Variants in TFB2M observed in about 807,000 individuals in gnomAD.
TFB2M encodes the protein transcription factor B2, mitochondrial, also known as dimethyladenosine transferase 2, mitochondrial.
A neutral mutation model predicts 41.3 loss-of-function variants in TFB2M; 44 were observed. The observed-to-expected ratio is 1.07, with a 90% confidence interval of 0.84 to 1.37. The LOEUF is 1.37. Among genes scored for constraint, TFB2M ranks in the 40% most tolerant of loss-of-function variants. TFB2M has a pLI of 0.00. For missense variants in TFB2M, 496 were observed against 490.2 expected (o/e 1.01, Z -0.11); for synonymous variants, 188 against 176.8 (o/e 1.06, Z -0.50).
rs150805296 is a variant in TFB2M at position 246,545,007 on chromosome 1, G to A, written c.859-326C>T. Among the ~76,000 whole-genome samples the A allele has an allele frequency of 6.0e-3, 914 of 151,550 alleles. 1 individual carries two copies. Among genetic ancestry groups the A allele is most frequent in the East Asian group, 0.02 (95 of 4,798 alleles). The stretch of plus-strand genomic sequence containing the variant: ...TTTTTAGTAGAGATGGGGTTTCACC[G>A]TGTTAGCCAGGATGGTCTCGATCTC... On this transcript the variant is annotated intron_variant, in intron 6 of 7. Coordinates refer to ENST00000366514, the MANE Select transcript of TFB2M (RefSeq NM_022366.3).
intron 4 of TFB2M, among the ~76,000 whole-genome samples, chr1:246,551,566 AG>A (rs2102986679): frequency 6.6e-6 from 1 of 152,272 alleles, no homozygotes; most frequent in South Asian, 2.1e-4. Context: ...GCACTCCGGC[AG>A]GGGCAACGGC....
intron 4 of TFB2M, among the ~76,000 whole-genome samples, chr1:246,551,895 G>C (rs560121704): frequency 6.6e-6 from 1 of 152,148 alleles, no homozygotes; most frequent in Non-Finnish European, 1.5e-5. Context: ...GTTGAATAGC[G>C]TATGCACAGC....
At chr1:246,547,591 A>G (rs563906683) in intron 6 of TFB2M, among the ~76,000 whole-genome samples, 17 of 152,250 alleles carry the variant, frequency 1.1e-4, no homozygotes, top group Admixed American at 4.6e-4. Flanking sequence ...AGAAAAAAAC[A>G]TAAGTAAGCA....
At chr1:246,544,961 A>G (rs530107437) in intron 6 of TFB2M, among the ~76,000 whole-genome samples, 3 of 151,834 alleles carry the variant, frequency 2.0e-5, no homozygotes, top group Non-Finnish European at 4.4e-5. Context: ...GCCCACCACC[A>G]CGCCTGGCTA....
chr1:246,558,835 C>G (rs1659386901), intron 2 of TFB2M, among the ~76,000 whole-genome samples: 1 of 152,112 alleles, frequency 6.6e-6, no homozygotes, highest in Admixed American at 6.5e-5. Flanking sequence ...TCTCACTGCT[C>G]TGATTTGCTC....
At chr1:246,552,632 G>A (rs1659215934) in intron 4 of TFB2M, among the ~76,000 whole-genome samples, 1 of 152,012 alleles carries the variant, frequency 6.6e-6, no homozygotes, top group Middle Eastern at 3.4e-3. Context: ...CCAGGAGTTT[G>A]AGGCTGCAGT....
intron 2 of TFB2M, among the ~76,000 whole-genome samples, chr1:246,559,734 G>C (rs1324633013): frequency 6.6e-6 from 1 of 152,190 alleles, no homozygotes; most frequent in African/African-American, 2.4e-5. Context: ...CCTGAATAAG[G>C]TGCTCAGTGG....
chr1:246,554,717 T>A lies in TFB2M; in HGVS notation c.705+1856A>T, dbSNP rs541910603. Among the ~76,000 whole-genome samples the A allele has an allele frequency of 3.3e-5, 5 of 152,258 alleles. No homozygotes were observed. The South Asian group carries it at 1.0e-3, about 32-fold the overall frequency. ...CAATAAATGTGATGCACTTGAATCATCCTGAAACCATCCCCGCCGCCATCC... is the reference window on the plus strand; with the variant it reads ...CAATAAATGTGATGCACTTGAATCAACCTGAAACCATCCCCGCCGCCATCC... On this transcript the variant is annotated intron_variant, in intron 4 of 7. Transcript: ENST00000366514.
intron 5 of TFB2M, 136 bp from the exon 6 acceptor site, chr1:246,548,743 ATAGC>A (rs1227997772): frequency 4.4e-6 from 3 of 675,636 alleles, no homozygotes; most frequent in Non-Finnish European, 7.2e-6. Context: ...GAAACATGTT[ATAGC>A]TAAATAATAC....
chr1:246,563,313 G>A lies in TFB2M; in HGVS notation c.402+1033C>T, dbSNP rs543034489. Among the ~76,000 whole-genome samples, 25 of 151,802 alleles carry A rather than the reference G, an allele frequency of 1.6e-4. No individual in the cohort carries two copies. The South Asian group carries it at 2.5e-3, about 15-fold the overall frequency. ...TGGCTTATCAGAAGCATATAAATTC[G>A]GAGTCAGGAGCTAGGCATGGTGGCT... is the stretch of plus-strand genomic sequence containing the variant. On this transcript the variant is annotated intron_variant, in intron 2 of 7. Coordinates refer to ENST00000366514, the MANE Select transcript of TFB2M (RefSeq NM_022366.3).
At chr1:246,553,202 C>T (rs1314870778) in intron 4 of TFB2M, among the ~76,000 whole-genome samples, 8 of 152,082 alleles carry the variant, frequency 5.3e-5, no homozygotes, top group Non-Finnish European at 4.4e-5. Flanking sequence ...GCCTGGGCGA[C>T]AGAGCAAGAC....
rs1488008322 is a variant in TFB2M, at chr1:246,556,568, C to T, written c.705+5G>A. 1 of 1,479,548 alleles carries T rather than the reference C, an allele frequency of 6.8e-7. No homozygotes were observed. The allele number at this position is 1,479,548 out of a possible 1,614,324, so 91.7% of individuals were successfully genotyped here. A position where few individuals can be genotyped will look rare whatever the true frequency, so the allele number is the denominator to read the frequency against. ...ACAAAAAATAGGTATTTGTTAATAA[C>T]ATACCTGGAATTCTTTTTCACCAAT... is the stretch of plus-strand genomic sequence containing the variant. On this transcript the variant is annotated splice_donor_5th_base_variant and intron_variant, in intron 4 of 7. Transcript: ENST00000366514.
intron 2 of TFB2M, among the ~76,000 whole-genome samples, chr1:246,558,635 G>A (rs1659382589): frequency 6.6e-6 from 1 of 152,124 alleles, no homozygotes; most frequent in Non-Finnish European, 1.5e-5. Context: ...TCACAGTAAA[G>A]AAAAACAATT....
At chr1:246,541,697 G>A (rs1013286176) in intron 7 of TFB2M, among the ~76,000 whole-genome samples, 3 of 152,038 alleles carry the variant, frequency 2.0e-5, no homozygotes, top group East Asian at 1.9e-4. Flanking sequence ...AATCACTGCC[G>A]TTTGAAAAAA....
chr1:246,545,194 G>A (rs1658980662), intron 6 of TFB2M, among the ~76,000 whole-genome samples: 1 of 152,196 alleles, frequency 6.6e-6, no homozygotes, highest in Non-Finnish European at 1.5e-5. Context: ...TGTTTGTGAT[G>A]AGTAACCTTG....
intron 4 of TFB2M, among the ~76,000 whole-genome samples, chr1:246,553,563 G>A (rs1659241751): frequency 6.6e-6 from 1 of 152,162 alleles, no homozygotes; most frequent in South Asian, 2.1e-4. Flanking sequence ...ACCTACTGGG[G>A]AGGTTGAGGT....
intron 2 of TFB2M, among the ~76,000 whole-genome samples, chr1:246,560,297 C>T (rs145133085): frequency 6.6e-6 from 1 of 152,156 alleles, no homozygotes; most frequent in Non-Finnish European, 1.5e-5. Flanking sequence ...TGTGGTGGCT[C>T]ATGCTTGTAG....
At chr1:246,548,642 T>C (rs886655288) in intron 5 of TFB2M, 35 bp from the exon 6 acceptor site, 1 of 1,597,160 alleles carries the variant, frequency 6.3e-7, no homozygotes, top group Non-Finnish European at 8.5e-7. Flanking sequence ...CAACATCTTT[T>C]ATTTCTCTTT....
rs978339303 is a variant in TFB2M, at chr1:246,540,963, C to T, written c.*68G>A. 1.3e-6 allele frequency: 2 copies of T among 1,498,146 alleles called. No individual in the cohort carries two copies. Among genetic ancestry groups the T allele is most frequent in the Admixed American group, 2.1e-5 (1 of 47,872 alleles). The allele number at this position is 1,498,146 out of a possible 1,614,324, so 92.8% of individuals were successfully genotyped here. ...CTTCTGCTGAAAGGATGTGAGTTTT[C>T]AAATTTGGTTTTCATGTCATAGTTT... On this transcript the variant is annotated 3_prime_UTR_variant, in exon 8 of 8. Transcript: ENST00000366514.
Sources: gnomAD v4.1 joint callset for allele counts (sites outside exome capture counted in the v4.1 genomes callset) on GRCh38, gnomAD v4.1.1 for gene constraint, MANE v1.5 for transcripts, NCBI Gene and HGNC (gene_info 2026-07-23, HGNC 2026-07-21) for gene names.